Variants in JARID2 observed in about 807,000 individuals in gnomAD.
JARID2 encodes jumonji and AT-rich interaction domain containing 2, also known as protein Jumonji.
A neutral mutation model predicts 125.6 loss-of-function variants in JARID2; 21 were observed. The ratio of observed to expected loss-of-function variants is 0.17; its 90% CI spans 0.12 to 0.24. The LOEUF (loss-of-function observed/expected upper bound fraction) is 0.24. JARID2 is among the 10% of genes least tolerant of loss of function. The pLI is 1.00. For missense variants in JARID2, 1,303 were observed against 1,639.6 expected (o/e 0.79, Z 3.55); for synonymous variants, 736 against 661.6 (o/e 1.11, Z -1.73).
rs1265711075 is a variant in JARID2, at chr6:15,520,668, G to T, written c.*417G>T. 6.5e-6 allele frequency: 2 copies of T among 307,268 alleles called. No individual in the cohort carries two copies. Among genetic ancestry groups the T allele is most frequent in the Non-Finnish European group, 6.8e-6 (1 of 147,212 alleles). 19.0% of individuals were successfully genotyped at this position (307,268 alleles called of 1,614,324 possible). On this transcript the variant is annotated 3_prime_UTR_variant, in exon 18 of 18. Coordinates refer to ENST00000341776, the MANE Select transcript of JARID2 (RefSeq NM_004973.4). ...ATCAGTCATGTGAGCAGATTTTTTA[G>T]AAGGGATAGGAGACACACGCGCACA...
At chr6:15,257,729 A>G (rs965931968) in intron 1 of JARID2, among the ~76,000 whole-genome samples, 5 of 152,244 alleles carry the variant, frequency 3.3e-5, no homozygotes, top group Non-Finnish European at 7.3e-5. Context: ...CACAGGTAGT[A>G]CACGTTAGGC....
At chr6:15,370,494 C>A (rs575779159) in intron 1 of JARID2, among the ~76,000 whole-genome samples, 7 of 152,164 alleles carry the variant, frequency 4.6e-5, no homozygotes, top group Non-Finnish European at 8.8e-5. Context: ...CCCGCCACCA[C>A]GCCCGGCTAA....
chr6:15,496,959 C>T lies in JARID2; in HGVS notation c.1734C>T (p.Arg578=), dbSNP rs764859787. 20 of 1,612,168 alleles carry T rather than the reference C, an allele frequency of 1.2e-5. No individual in the cohort carries two copies. Among genetic ancestry groups the T allele is most frequent in the Middle Eastern group, 1.7e-4 (1 of 6,054 alleles). Residue 578 remains arginine (R), a synonymous_variant, in exon 7 of 18, where the codon CGC becomes CGT. Coordinates refer to ENST00000341776, the MANE Select transcript of JARID2 (RefSeq NM_004973.4). ...CGCTCATCTACATCGAGTCGGTCCG[C>T]GCTCAGGTGGAGAAGTTCGGGATGT... is the stretch of plus-strand genomic sequence containing the variant. ...HDPLIYIESV[R]AQVEKFGMCR...
At chr6:15,251,622 C>A (rs1351628630) in intron 1 of JARID2, among the ~76,000 whole-genome samples, 1 of 152,166 alleles carries the variant, frequency 6.6e-6, no homozygotes, top group Non-Finnish European at 1.5e-5. Flanking sequence ...TTGTTTGTTC[C>A]CAAATCTGGT....
chr6:15,431,707 A>T (rs1414628331), intron 3 of JARID2, among the ~76,000 whole-genome samples: 1 of 152,232 alleles, frequency 6.6e-6, no homozygotes, highest in Non-Finnish European at 1.5e-5. Flanking sequence ...CAATTTAAGC[A>T]CTGTAAGAAA....
rs1315555985 is a variant in JARID2, at chr6:15,410,228, C to T, written c.186C>T (p.Leu62=). 9 of 1,613,522 alleles carry T rather than the reference C, an allele frequency of 5.6e-6. No individual in the cohort carries two copies. The highest frequency in any genetic ancestry group is 2.2e-5 in the South Asian group (2 of 91,002). The change falls in exon 3 of 18, where the codon CTC becomes CTT. Residue 62 remains leucine, a synonymous_variant. Transcript: ENST00000341776. ...IAGSLKTVNG[L]LGNDQSKGLG... ...GTCCCCTTTTCTCACCTGTAGGGCT[C>T]CTTGGTAATGACCAGTCTAAGGGAT...
At chr6:15,469,308 C>CTG (rs1236195070) in intron 5 of JARID2, among the ~76,000 whole-genome samples, 6 of 133,472 alleles carry the variant, frequency 4.5e-5, no homozygotes, top group East Asian at 2.2e-4. Context: ...GTCTCTGTCT[C>CTG]TCTCTCTCTG....
At chr6:15,414,412 G>C (rs1016263031) in intron 3 of JARID2, among the ~76,000 whole-genome samples, 5 of 152,290 alleles carry the variant, frequency 3.3e-5, no homozygotes, top group African/African-American at 9.6e-5. Context: ...CTTGACACTA[G>C]GGATCTTTTT....
chr6:15,516,223 G>T (rs1042621688), intron 16 of JARID2, among the ~76,000 whole-genome samples: 1 of 152,138 alleles, frequency 6.6e-6, no homozygotes, highest in Non-Finnish European at 1.5e-5. Context: ...TAGAAACACC[G>T]CAGACGAAAA....
chr6:15,291,352 T>C (rs946496887), intron 1 of JARID2, among the ~76,000 whole-genome samples: 2 of 152,246 alleles, frequency 1.3e-5, no homozygotes, highest in Admixed American at 6.5e-5. Flanking sequence ...CCTGAAGTTA[T>C]GGACCTAACA....
intron 5 of JARID2, among the ~76,000 whole-genome samples, chr6:15,477,043 G>A (rs1423773360): frequency 6.6e-6 from 1 of 152,158 alleles, no homozygotes; most frequent in Non-Finnish European, 1.5e-5. Context: ...CTTAAAAACG[G>A]AAGGAAGAAG....
At chr6:15,498,302 A>G (rs900845015) in intron 7 of JARID2, among the ~76,000 whole-genome samples, 1 of 152,114 alleles carries the variant, frequency 6.6e-6, no homozygotes, top group Non-Finnish European at 1.5e-5. Context: ...GCTGTTGGAA[A>G]CTTGTCACAG....
Position 15,246,450 on chromosome 6 carries a change from A to T in JARID2, c.-90A>T, listed in dbSNP as rs1370955858. The T allele has an allele frequency of 9.1e-7, 1 of 1,098,998 alleles. No homozygotes were observed. Among genetic ancestry groups the T allele is most frequent in the Non-Finnish European group, 1.4e-6 (1 of 724,448 alleles). 68.1% of individuals were successfully genotyped at this position (1,098,998 alleles called of 1,614,324 possible). On this transcript the variant is annotated 5_prime_UTR_variant, in exon 1 of 18. Transcript: ENST00000341776. ...GATCAACCACCACCAACAACAATAA[A>T]AACCACCAGGATATTTTTTTGCAAA... is the stretch of plus-strand genomic sequence containing the variant.
chr6:15,466,928 A>G (rs1471674505), intron 4 of JARID2, among the ~76,000 whole-genome samples: 1 of 152,226 alleles, frequency 6.6e-6, no homozygotes, highest in Non-Finnish European at 1.5e-5. Flanking sequence ...AATGGAGACA[A>G]TCAAGGGGAG....
At chr6:15,322,157 G>T (rs989131481) in intron 1 of JARID2, among the ~76,000 whole-genome samples, 1 of 152,184 alleles carries the variant, frequency 6.6e-6, no homozygotes, top group Non-Finnish European at 1.5e-5. Flanking sequence ...CTGTTTGGTA[G>T]CATGAAAAAC....
At chr6:15,297,918 A>G (rs879406028) in intron 1 of JARID2, among the ~76,000 whole-genome samples, 448 of 43,030 alleles carry the variant, frequency 0.01, 3 homozygotes, top group South Asian at 0.037. Context: ...GTGGAAAAAG[A>G]AAAAAAAAAA....
At chr6:15,458,322 C>T (rs1251356577) in intron 4 of JARID2, among the ~76,000 whole-genome samples, 2 of 152,172 alleles carry the variant, frequency 1.3e-5, no homozygotes, top group Admixed American at 6.5e-5. Context: ...AAGGGGACTC[C>T]TGAAGCATGC....
At chr6:15,400,911 T>C (rs1414063967) in intron 2 of JARID2, 2 of 1,288,938 alleles carry the variant, frequency 1.6e-6, no homozygotes, top group Admixed American at 4.6e-5. Context: ...CCCTCTGTCC[T>C]TCTTCCTCTC....
intron 3 of JARID2, among the ~76,000 whole-genome samples, chr6:15,411,502 G>T (rs1765874026): frequency 6.6e-6 from 1 of 152,154 alleles, no homozygotes; most frequent in Non-Finnish European, 1.5e-5. Context: ...GATGTCATAA[G>T]ATTCGTTATT....
Sources: gnomAD v4.1 joint callset for allele counts (sites outside exome capture counted in the v4.1 genomes callset) on GRCh38, gnomAD v4.1.1 for gene constraint, MANE v1.5 for transcripts, NCBI Gene and HGNC (gene_info 2026-07-23, HGNC 2026-07-21) for gene names.